YTHDC1: variants seen among roughly 807,000 people sequenced by gnomAD.
The protein encoded by YTHDC1 is YTH domain-containing protein 1.
In YTHDC1, 12 loss-of-function variants were observed where a neutral mutation model predicts 107.0. The ratio of observed to expected loss-of-function variants is 0.11; its 90% confidence interval spans 0.07 to 0.18. The LOEUF (loss-of-function observed/expected upper bound fraction) is 0.18. Ranked by LOEUF, YTHDC1 falls within the 10% of genes least tolerant of loss-of-function variation. The probability of loss-of-function intolerance (pLI) is 1.00; values close to 1 mark genes in which losing one functional copy is unlikely to be tolerated. For missense variants in YTHDC1, 635 were observed against 898.8 expected, an observed-to-expected ratio of 0.71 and a Z score of 3.75; for synonymous variants, 280 against 289.5, an observed-to-expected ratio of 0.97 and a Z score of 0.33.
At chr4:68,315,941 GATCT>G (rs1018752965) in intron 16 of YTHDC1, 7 of 156,030 alleles carry the variant, frequency 4.5e-5, no homozygotes, top group Non-Finnish European at 7.0e-5. Flanking sequence ...TAATATACAC[GATCT>G]ATCCTAGAAA....
chr4:68,333,080 AATC>A (rs1475640452), intron 5 of YTHDC1, among the ~76,000 whole-genome samples: 1 of 152,122 alleles, frequency 6.6e-6, no homozygotes, highest in African/African-American at 2.4e-5. Context: ...CTAGTCACTG[AATC>A]ATCATCTTCC....
chr4:68,317,967 C>G (rs970532596), intron 15 of YTHDC1, among the ~76,000 whole-genome samples: 4 of 152,124 alleles, frequency 2.6e-5, no homozygotes, highest in Non-Finnish European at 5.9e-5. Context: ...ATATCTGAAC[C>G]CAAGCGGACT....
At chr4:68,337,474 T>A (rs762261194) in intron 3 of YTHDC1, 24 bp from the exon 4 acceptor site, 1 of 1,609,068 alleles carries the variant, frequency 6.2e-7, no homozygotes, top group Non-Finnish European at 8.5e-7. Flanking sequence ...AAAAAGGGAA[T>A]CAGCAGTCAT....
intron 10 of YTHDC1, among the ~76,000 whole-genome samples, 184 bp from the exon 11 acceptor site, chr4:68,323,099 A>G (rs1484088275): frequency 6.6e-6 from 1 of 152,238 alleles, no homozygotes; most frequent in Non-Finnish European, 1.5e-5. Flanking sequence ...GTATTTATAT[A>G]AAGGGTAAAA....
rs1467047052 is a variant in YTHDC1 at position 68,349,789 on chromosome 4, C to T, written c.-36G>A. On this transcript the variant is annotated 5_prime_UTR_variant, in exon 1 of 17. Coordinates refer to ENST00000344157, the MANE Select transcript of YTHDC1 (RefSeq NM_001031732.4). ...CGGTTTCCGCCGCTGCCACCGCCGC[C>T]GCCGCTTAGACGCGACTCGCGCGGG... The T allele has an allele frequency of 1.9e-6, 3 of 1,612,560 alleles. No individual in the cohort carries two copies. The highest frequency in any genetic ancestry group is 2.5e-6 in the Non-Finnish European group (3 of 1,179,684).
At chr4:68,329,789 C>T (rs1297917443) in intron 9 of YTHDC1, among the ~76,000 whole-genome samples, 3 of 152,262 alleles carry the variant, frequency 2.0e-5, no homozygotes, top group South Asian at 4.1e-4. Flanking sequence ...AAGCAACTGT[C>T]CAATTCATTT....
intron 4 of YTHDC1, among the ~76,000 whole-genome samples, chr4:68,333,692 G>A (rs549559152): frequency 6.6e-6 from 1 of 152,026 alleles, no homozygotes; most frequent in East Asian, 1.9e-4. Context: ...TTCCAAGCGG[G>A]GGGGGAAATT....
intron 1 of YTHDC1, 56 bp downstream of exon 1, chr4:68,349,670 C>G: frequency 9.6e-7 from 1 of 1,039,336 alleles, no homozygotes; most frequent in Non-Finnish European, 1.4e-6. Context: ...ACTGCTCCAT[C>G]ACCCCACTCC....
At position 68,349,929 on chromosome 4, in the gene YTHDC1, T is replaced by A; in HGVS notation, c.-176A>T. On this transcript the variant is annotated 5_prime_UTR_variant, in exon 1 of 17. Coordinates refer to ENST00000344157, the MANE Select transcript of YTHDC1 (RefSeq NM_001031732.4). Reference sequence around the variant, plus strand: ...CTCGACTCTTCCCGCTTTTTCCCTTTCTCCCTTCCTTTCACTCCAGCATCC... The same window carrying A: ...CTCGACTCTTCCCGCTTTTTCCCTTACTCCCTTCCTTTCACTCCAGCATCC... The A allele has an allele frequency of 2.4e-6, 2 of 834,486 alleles. No homozygotes were observed. Among genetic ancestry groups the A allele is most frequent in the Non-Finnish European group, 3.8e-6 (2 of 529,456 alleles). The allele number at this position is 834,486 out of a possible 1,614,324, so 51.7% of individuals were successfully genotyped here.
Position 68,322,129 on chromosome 4 carries a change from T to G in YTHDC1, c.1601+620A>C, listed in dbSNP as rs574949194. ...CCCCTTTGGAAAGAACCTATTGTTT[T>G]CAGAAGCTCAGCAAGATGTGTGAAT... On this transcript the variant is annotated intron_variant, in intron 11 of 16. Coordinates refer to ENST00000344157, the MANE Select transcript of YTHDC1 (RefSeq NM_001031732.4). This position sits in a 1 kb window ranked among gnomAD's most constrained non-coding sequence, Gnocchi z 4.8. Among the ~76,000 whole-genome samples, 7 of 152,328 alleles carry G rather than the reference T, an allele frequency of 4.6e-5. No individual in the cohort carries two copies. Among genetic ancestry groups the G allele is most frequent in the Non-Finnish European group, 7.3e-5 (5 of 68,032 alleles).
At chr4:68,335,446 G>A (rs1360508598) in intron 4 of YTHDC1, among the ~76,000 whole-genome samples, 1 of 151,970 alleles carries the variant, frequency 6.6e-6, no homozygotes, top group East Asian at 1.9e-4. Context: ...TAAAACTACA[G>A]TTACCATTTA....
At chr4:68,343,695 C>T (rs1231146092) in intron 1 of YTHDC1, among the ~76,000 whole-genome samples, 1 of 152,002 alleles carries the variant, frequency 6.6e-6, no homozygotes, top group East Asian at 1.9e-4. Flanking sequence ...TGCCACCACG[C>T]CGAGCTAAAT....
In YTHDC1 at chr4:68,337,313, C is replaced by A. The variant is rs763156917; in HGVS notation, c.597G>T (p.Glu199Asp). 3 of 1,614,018 alleles carry A rather than the reference C, an allele frequency of 1.9e-6. No homozygotes were observed. The Admixed American group carries it at 5.0e-5, about 27-fold the overall frequency. Reference protein sequence around the residue: ...GSSDEQGNNTENEEEGVEEDV... With the variant: ...GSSDEQGNNTDNEEEGVEEDV... Reference sequence around the variant, plus strand: ...CTTCTTCCACTCCTTCCTCCTCATTCTCAGTGTTGTTCCCTTGCTCATCAG... The same window carrying A: ...CTTCTTCCACTCCTTCCTCCTCATTATCAGTGTTGTTCCCTTGCTCATCAG... Residue 199 changes from glutamate to aspartate, a missense_variant, in exon 4 of 17, where the codon GAG becomes GAT. Coordinates refer to ENST00000344157, the MANE Select transcript of YTHDC1 (RefSeq NM_001031732.4).
In YTHDC1 at chr4:68,310,963, A is replaced by T. The variant is rs1482437963; in HGVS notation, c.*3136T>A. 1 of 152,168 alleles carries T rather than the reference A, an allele frequency of 6.6e-6. No homozygotes were observed. Among genetic ancestry groups the T allele is most frequent in the East Asian group, 1.9e-4 (1 of 5,200 alleles). 9.4% of individuals were successfully genotyped at this position (152,168 alleles called of 1,614,324 possible). ...AAATACTCTGAAAAGTCAAACATTCAGGTGTTATAACTTGTATGAGATCCT... is the reference window on the plus strand; with the variant it reads ...AAATACTCTGAAAAGTCAAACATTCTGGTGTTATAACTTGTATGAGATCCT... On this transcript the variant is annotated 3_prime_UTR_variant, in exon 17 of 17. Coordinates refer to ENST00000344157, the MANE Select transcript of YTHDC1 (RefSeq NM_001031732.4).
At position 68,337,079 on chromosome 4, in the gene YTHDC1, A is replaced by G; in HGVS notation, c.831T>C (p.Ser277=). 1 of 1,614,060 alleles carries G rather than the reference A, an allele frequency of 6.2e-7. No homozygotes were observed. ...RSEASDSGSE[S]VSFTDGSVRS... ...TGACAGACCCATCTGTGAAGGAAAC[A>G]GATTCAGAACCAGAGTCACTGGCCT... Residue 277 remains serine, a synonymous_variant, in exon 4 of 17, where the codon TCT becomes TCC. Transcript: ENST00000344157.
At chr4:68,328,970 T>C (rs1395392090) in intron 9 of YTHDC1, among the ~76,000 whole-genome samples, 1 of 152,254 alleles carries the variant, frequency 6.6e-6, no homozygotes, top group Admixed American at 6.5e-5. Flanking sequence ...TATGGTATTA[T>C]AGGTACCTCT....
In YTHDC1 at chr4:68,337,644, T is replaced by C. The variant is rs755173030; in HGVS notation, c.387A>G (p.Gln129=). The change falls in exon 3 of 17, where the codon CAA becomes CAG. Residue 129 remains glutamine, a synonymous_variant. Transcript: ENST00000344157. ...SSASREPYKN[Q]PEKTCVRKRD... The stretch of plus-strand genomic sequence containing the variant: ...TTTTCCGGACACAGGTTTTTTCAGG[T>C]TGATTCTTATAAGGTTCTCTGGAGG... The C allele has an allele frequency of 6.2e-7, 1 of 1,613,932 alleles. No individual in the cohort carries two copies.
intron 9 of YTHDC1, among the ~76,000 whole-genome samples, chr4:68,325,358 A>G (rs774294586): frequency 9.9e-5 from 15 of 152,220 alleles, no homozygotes; most frequent in Non-Finnish European, 2.1e-4. Flanking sequence ...AAGTGGTACA[A>G]GAGTTAAGCT....
chr4:68,344,188 A>G (rs952070943), intron 1 of YTHDC1: 5 of 151,782 alleles, frequency 3.3e-5, no homozygotes, highest in Non-Finnish European at 5.9e-5. Flanking sequence ...TACTACCTGA[A>G]CAAAGAGCAT....
Sources: gnomAD v4.1 joint callset for allele counts (sites outside exome capture counted in the v4.1 genomes callset) on GRCh38, gnomAD v4.1.1 for gene constraint, Gnocchi (gnomAD v3.1) non-coding constraint, MANE v1.5 for transcripts, NCBI Gene and HGNC (gene_info 2026-07-23, HGNC 2026-07-21) for gene names.